PTPRF: variants seen among roughly 807,000 people sequenced by gnomAD.
PTPRF encodes protein tyrosine phosphatase receptor type F.
Under a neutral mutation model 201.8 loss-of-function variants are expected in PTPRF, and 59 were observed. The observed-to-expected ratio is 0.29, with a 90% CI of 0.24 to 0.36. PTPRF has a LOEUF of 0.36. Among genes scored for constraint, PTPRF ranks in the 10% least tolerant of loss-of-function variants. The pLI is 1.00. For missense variants in PTPRF, 2,132 were observed against 2,690.5 expected (o/e 0.79, Z 4.59); for synonymous variants, 1,088 against 1,089.7 (o/e 1.00, Z 0.03).
chr1:43,597,314 ATG>A (rs1277561300), intron 11 of PTPRF, among the ~76,000 whole-genome samples: 2 of 151,244 alleles, frequency 1.3e-5, no homozygotes, highest in African/African-American at 2.4e-5. Flanking sequence ...TGTGGAGACT[ATG>A]TGTGAGACAC....
chr1:43,564,016 C>T (rs1294819783), intron 5 of PTPRF, among the ~76,000 whole-genome samples: 1 of 152,164 alleles, frequency 6.6e-6, no homozygotes, highest in Non-Finnish European at 1.5e-5. Flanking sequence ...CCGTGCCTGC[C>T]AACAGGCCCC....
chr1:43,556,008 C>T (rs1645344120), intron 5 of PTPRF, among the ~76,000 whole-genome samples: 1 of 152,190 alleles, frequency 6.6e-6, no homozygotes, highest in African/African-American at 2.4e-5. Flanking sequence ...AATTCATACT[C>T]CTGCCAAGCA....
intron 22 of PTPRF, chr1:43,612,795 C>T: frequency 7.3e-7 from 1 of 1,365,780 alleles, no homozygotes; most frequent in Non-Finnish European, 9.8e-7. Context: ...TGCCCGAATA[C>T]CTCAAGTTAG....
chr1:43,600,371 C>T (rs1177933802), intron 13 of PTPRF, among the ~76,000 whole-genome samples: 1 of 152,154 alleles, frequency 6.6e-6, no homozygotes, highest in Non-Finnish European at 1.5e-5. Flanking sequence ...GGCTCAGGGA[C>T]GCTGCCCATT....
intron 6 of PTPRF, among the ~76,000 whole-genome samples, chr1:43,571,688 G>T (rs935412304): frequency 2.0e-5 from 3 of 152,164 alleles, no homozygotes; most frequent in Non-Finnish European, 2.9e-5. Context: ...CTGCCTCCGG[G>T]CCCTCCCGAG....
chr1:43,622,411 T>C lies in PTPRF; in HGVS notation c.*408T>C, dbSNP rs139903281. On this transcript the variant is annotated 3_prime_UTR_variant, in exon 34 of 34. Transcript: ENST00000359947. Reference sequence around the variant, plus strand: ...CTTTCGCGAATCCGTATCTGCAGAATGGGCCACTGTAGGGGTTGGGGTTTA... The same window carrying C: ...CTTTCGCGAATCCGTATCTGCAGAACGGGCCACTGTAGGGGTTGGGGTTTA... The C allele has an allele frequency of 3.1e-4, 60 of 190,782 alleles. No homozygotes were observed. Among genetic ancestry groups the C allele is most frequent in the African/African-American group, 1.2e-3 (52 of 42,764 alleles). The allele number at this position is 190,782 out of a possible 1,614,324, so 11.8% of individuals were successfully genotyped here.
Position 43,547,320 on chromosome 1 carries a change from A to G in PTPRF, c.91+2154A>G, listed in dbSNP as rs1184516653. Among the ~76,000 whole-genome samples the G allele has an allele frequency of 2.6e-5, 4 of 152,226 alleles. No homozygotes were observed. In the East Asian group the frequency reaches 7.7e-4, roughly 29 times the overall value. On this transcript the variant is annotated intron_variant, in intron 3 of 33. Coordinates refer to ENST00000359947, the MANE Select transcript of PTPRF (RefSeq NM_002840.5). The stretch of plus-strand genomic sequence containing the variant: ...CCTTAGGAACCAAAGCCCAAACACC[A>G]GGTCTTGACGGTAGAAAGCAGCTGA...
At chr1:43,543,794 G>A (rs985469165) in intron 2 of PTPRF, among the ~76,000 whole-genome samples, 15 of 152,028 alleles carry the variant, frequency 9.9e-5, no homozygotes, top group African/African-American at 3.6e-4. Flanking sequence ...AAGTCCATGC[G>A]TATCACTGTG....
Position 43,606,908 on chromosome 1 carries a change from G to A in PTPRF, c.3797G>A (p.Gly1266Asp), listed in dbSNP as rs1351632915. ...QEEPEMLWVT[G>D]PVLAVILIIL... ...GAGCCGGAGATGCTGTGGGTGACGG[G>A]TCCCGTGCTGGCAGTCATCCTCATC... Residue 1266 changes from glycine to aspartate, a missense_variant, in exon 21 of 34, where the codon GGT (glycine) becomes GAT (aspartate). Coordinates refer to ENST00000359947, the MANE Select transcript of PTPRF (RefSeq NM_002840.5). 1.2e-6 allele frequency: 2 copies of A among 1,614,066 alleles called. No homozygotes were observed. Among genetic ancestry groups the A allele is most frequent in the African/African-American group, 1.3e-5 (1 of 74,934 alleles).
At chr1:43,578,448 G>A (rs143139546) in intron 6 of PTPRF, among the ~76,000 whole-genome samples, 1 of 152,222 alleles carries the variant, frequency 6.6e-6, no homozygotes, top group Non-Finnish European at 1.5e-5. Flanking sequence ...TAGTGGGGCT[G>A]CGGGGCCAGG....
intron 7 of PTPRF, among the ~76,000 whole-genome samples, chr1:43,587,818 C>CCT (rs1649548969): frequency 6.6e-6 from 1 of 152,208 alleles, no homozygotes. Context: ...ACCTCCCTTC[C>CCT]CTCTGCATGC....
In PTPRF at chr1:43,621,370, T is replaced by C. The variant is rs1212201107; in HGVS notation, c.5655+138T>C. ...CCTTTCACGTGGCCTGCGATAGGCA[T>C]GGTGGTGTGTGCTTATGGTCCTACC... On this transcript the variant is annotated intron_variant, in intron 33 of 33. Transcript: ENST00000359947. 1.1e-5 allele frequency: 13 copies of C among 1,202,448 alleles called. No homozygotes were observed. The East Asian group carries it at 2.6e-4, about 24-fold the overall frequency. The allele number at this position is 1,202,448 out of a possible 1,614,324, so 74.5% of individuals were successfully genotyped here.
Position 43,598,870 on chromosome 1 carries a change from G to T in PTPRF, c.2270G>T (p.Arg757Leu). The change falls in exon 13 of 34, where the codon CGT becomes CTT. Residue 757 changes from arginine (R) to leucine (L), a missense_variant. Physicochemically the swap from Arg to Leu is moderately radical, Grantham distance 102 (BLOSUM62 -2). This residue lies in a region of PTPRF where 818 missense variants were observed against 915.3 expected (regional missense o/e 0.89). Transcript: ENST00000359947. ...TYVRLENGEP[R>L]GLPIIQDVML... ...GTGCGGCTGGAGAATGGCGAGCCCC[G>T]TGGACTCCCCATCATCCAAGACGTC... 1.2e-6 allele frequency: 2 copies of T among 1,614,086 alleles called. No homozygotes were observed. The highest frequency in any genetic ancestry group is 1.7e-6 in the Non-Finnish European group (2 of 1,179,992).
chr1:43,602,106 CAG>C lies in PTPRF; in HGVS notation c.2340+10_2340+11del. 1.2e-6 allele frequency: 2 copies of C among 1,612,698 alleles called. No homozygotes were observed. Among genetic ancestry groups the C allele is most frequent in the Non-Finnish European group, 8.5e-7 (1 of 1,178,676 alleles). ...AGGAGTCCGAGGACTATGTAAGTAACAGGTGTGCGAACGCGGACAAGACATGG... is the reference window on the plus strand; with the variant it reads ...AGGAGTCCGAGGACTATGTAAGTAACGTGTGCGAACGCGGACAAGACATGG... On this transcript the variant is annotated intron_variant, in intron 14 of 33. Coordinates refer to ENST00000359947, the MANE Select transcript of PTPRF (RefSeq NM_002840.5).
intron 14 of PTPRF, 101 bp downstream of exon 14, chr1:43,602,198 TC>T: frequency 7.2e-7 from 1 of 1,395,896 alleles, no homozygotes; most frequent in Non-Finnish European, 1.0e-6. Flanking sequence ...ACTGCCAAGA[TC>T]CACAGGGCTC....
Position 43,588,761 on chromosome 1 carries a change from C to T in PTPRF, c.710C>T (p.Pro237Leu). 1.2e-6 allele frequency: 2 copies of T among 1,613,852 alleles called. No homozygotes were observed. Among genetic ancestry groups the T allele is most frequent in the East Asian group, 2.2e-5 (1 of 44,878 alleles). The change falls in exon 8 of 34, where the codon CCT becomes CTT. Residue 237 changes from proline (P) to leucine (L), a missense_variant. By Grantham distance (98) the Pro-to-Leu change is moderately conservative. Coordinates refer to ENST00000359947, the MANE Select transcript of PTPRF (RefSeq NM_002840.5). The surrounding 1 kb of genome is among the most constrained non-coding windows in gnomAD (Gnocchi z 5.3). ...VRRVAPRFSI[P>L]PSSQEVMPGG... ...CGCGTGGCTCCTCGTTTCTCCATCC[C>T]TCCCAGCAGCCAGGAGGTGATGCCA...
chr1:43,590,958 C>T lies in PTPRF; in HGVS notation c.950-14C>T. ...TGACCTCGGGCAGCTTTGAGCCTTCCACTTTGTCTCCAGCTCTTCCAAAGC... is the reference window on the plus strand; with the variant it reads ...TGACCTCGGGCAGCTTTGAGCCTTCTACTTTGTCTCCAGCTCTTCCAAAGC... On this transcript the variant is annotated splice_polypyrimidine_tract_variant and intron_variant, in intron 8 of 33. Transcript: ENST00000359947. 6.3e-7 allele frequency: 1 copy of T among 1,595,072 alleles called. No individual in the cohort carries two copies. Among genetic ancestry groups the T allele is most frequent in the Non-Finnish European group, 8.6e-7 (1 of 1,166,254 alleles).
At chr1:43,558,596 G>A (rs922188687) in intron 5 of PTPRF, among the ~76,000 whole-genome samples, 1 of 152,212 alleles carries the variant, frequency 6.6e-6, no homozygotes. Context: ...GGTAATTGAA[G>A]CCATTAGCGC....
chr1:43,598,328 G>A (rs975545879), intron 12 of PTPRF: 7 of 478,812 alleles, frequency 1.5e-5, no homozygotes, highest in Non-Finnish European at 2.6e-5. Flanking sequence ...GGGCAGATTG[G>A]TGTAAAAGAT....
Sources: gnomAD v4.1 joint callset for allele counts (sites outside exome capture counted in the v4.1 genomes callset) on GRCh38, gnomAD v4.1.1 for gene constraint, gnomAD v4.1.1 regional missense constraint, Gnocchi (gnomAD v3.1) non-coding constraint, MANE v1.5 for transcripts, NCBI Gene and HGNC (gene_info 2026-07-23, HGNC 2026-07-21) for gene names.